IRX6: variants seen among roughly 807,000 people sequenced by gnomAD.
The protein encoded by IRX6 is iroquois-class homeodomain protein IRX-6.
A neutral mutation model predicts 47.7 loss-of-function variants in IRX6; 46 were observed. The observed-to-expected ratio is 0.96, with a 90% CI of 0.76 to 1.23. The LOEUF (loss-of-function observed/expected upper bound fraction) is 1.23, where lower values mean the gene tolerates loss of function less well. Ranked by LOEUF, IRX6 falls within the 50% of genes most tolerant of loss-of-function variation. IRX6 has a pLI of 0.00. For synonymous variants in IRX6, 265 were observed against 246.2 expected (o/e 1.08, Z -0.72); for missense variants, 722 against 588.0 (o/e 1.23, Z -2.36).
Position 55,325,060 on chromosome 16 carries a change from G to A in IRX6, c.-32G>A, listed in dbSNP as rs767103851. The A allele has an allele frequency of 2.5e-6, 4 of 1,612,900 alleles. No homozygotes were observed. The highest frequency in any genetic ancestry group is 1.7e-5 in the Admixed American group (1 of 60,010). ...GCTGGGCTGAGACGGGAACTCGACA[G>A]GGAAGAGAGAGACGGGCCAGGGACA... On this transcript the variant is annotated 5_prime_UTR_variant, in exon 1 of 6. Coordinates refer to ENST00000290552, the MANE Select transcript of IRX6 (RefSeq NM_024335.3).
At chr16:55,330,238 G>T (rs1173440421) in intron 5 of IRX6, 60 bp from the exon 6 acceptor site, 1 of 1,551,360 alleles carries the variant, frequency 6.4e-7, no homozygotes, top group East Asian at 2.2e-5. Flanking sequence ...CTGACCCAGA[G>T]GTTTCCTAAG....
chr16:55,326,951 GC>G, intron 2 of IRX6: 1 of 163,336 alleles, frequency 6.1e-6, no homozygotes, highest in African/African-American at 3.2e-5. Flanking sequence ...GTGTTGTGGG[GC>G]AGGGGGCGGG....
chr16:55,327,677 C>T lies in IRX6; in HGVS notation c.505C>T (p.Arg169Cys), dbSNP rs750729036. Residue 169 changes from arginine to cysteine, a missense_variant, in exon 4 of 6, where the codon CGC (arginine) becomes TGC (cysteine). Coordinates refer to ENST00000290552, the MANE Select transcript of IRX6 (RefSeq NM_024335.3). ...STLKAWLNEH[R>C]KNPYPTKGEK... ...ACTCAAGGCCTGGCTCAACGAGCACCGCAAAAACCCCTACCCCACTAAGGG... is the reference window on the plus strand; with the variant it reads ...ACTCAAGGCCTGGCTCAACGAGCACTGCAAAAACCCCTACCCCACTAAGGG... 3.1e-6 allele frequency: 5 copies of T among 1,612,244 alleles called. No individual in the cohort carries two copies. The highest frequency in any genetic ancestry group is 3.3e-5 in the Admixed American group (2 of 59,988).
Position 55,327,979 on chromosome 16 carries a change from A to AT in IRX6, c.721+90dup, listed in dbSNP as rs1337721253. 43 of 1,375,310 alleles carry AT rather than the reference A, an allele frequency of 3.1e-5. No individual in the cohort carries two copies. The African/African-American group carries it at 5.8e-4, about 19-fold the overall frequency. 85.2% of individuals were successfully genotyped at this position (1,375,310 alleles called of 1,614,324 possible). On this transcript the variant is annotated intron_variant, in intron 4 of 5. Coordinates refer to ENST00000290552, the MANE Select transcript of IRX6 (RefSeq NM_024335.3). ...TTTCAAAAGCTGCCCTGTAGGGTAG[A>AT]TTTTCTGGAAGGTCCTCAGACTTAC...
intron 5 of IRX6, 107 bp downstream of exon 5, chr16:55,329,418 C>A (rs1567340712): frequency 2.1e-6 from 3 of 1,399,126 alleles, no homozygotes; most frequent in South Asian, 1.4e-5. Context: ...CCAGGTCTCC[C>A]ACAGAACTGA....
At position 55,324,929 on chromosome 16, in the gene IRX6, G is replaced by C; in HGVS notation, c.-163G>C. On this transcript the variant is annotated 5_prime_UTR_variant, in exon 1 of 6. Coordinates refer to ENST00000290552, the MANE Select transcript of IRX6 (RefSeq NM_024335.3). This position sits in a 1 kb window ranked among gnomAD's most constrained non-coding sequence, Gnocchi z 4.4. ...GAGCGCAGGGCTCGGCAGCCGGGCTGCCCTCGGCTCTGCCTCCACTGGGGC... is the reference window on the plus strand; with the variant it reads ...GAGCGCAGGGCTCGGCAGCCGGGCTCCCCTCGGCTCTGCCTCCACTGGGGC... The C allele has an allele frequency of 1.4e-6, 1 of 695,970 alleles. No individual in the cohort carries two copies. The highest frequency in any genetic ancestry group is 2.5e-6 in the Non-Finnish European group (1 of 407,594). 43.1% of individuals were successfully genotyped at this position (695,970 alleles called of 1,614,324 possible).
rs1960594842 is a variant in IRX6, at chr16:55,329,080, C to G, written c.1102C>G (p.Pro368Ala). The G allele has an allele frequency of 6.2e-7, 1 of 1,613,972 alleles. No individual in the cohort carries two copies. Among genetic ancestry groups the G allele is most frequent in the Admixed American group, 1.7e-5 (1 of 60,008 alleles). ...ATASAVEGAP[P>A]ARPRPRSPEC... Reference sequence around the variant, plus strand: ...AGCCAGCGCTGTTGAAGGTGCACCCCCAGCCCGGCCTAGGCCACGAAGTCC... The same window carrying G: ...AGCCAGCGCTGTTGAAGGTGCACCCGCAGCCCGGCCTAGGCCACGAAGTCC... The change falls in exon 5 of 6, where the codon CCA becomes GCA. Residue 368 changes from proline (P) to alanine (A), a missense_variant. By Grantham distance (27) the Pro-to-Ala change is conservative. Coordinates refer to ENST00000290552, the MANE Select transcript of IRX6 (RefSeq NM_024335.3).
chr16:55,328,015 C>A, intron 4 of IRX6, 122 bp downstream of exon 4: 1 of 894,426 alleles, frequency 1.1e-6, no homozygotes, highest in Non-Finnish European at 1.7e-6. Flanking sequence ...CCTTGCACTT[C>A]CCTGCCTGTC....
In IRX6 at chr16:55,327,603, TG is replaced by T. The variant is rs1490836127; in HGVS notation, c.432del (p.Ser145ValfsTer44). 1 of 1,604,988 alleles carries T rather than the reference TG, an allele frequency of 6.2e-7. No homozygotes were observed. The highest frequency in any genetic ancestry group is 8.5e-7 in the Non-Finnish European group (1 of 1,176,380). On this transcript the variant is annotated frameshift_variant, in exon 4 of 6. Transcript: ENST00000290552. LOFTEE classifies it high-confidence loss of function. ...YQYERYGAVE[L>X]SGAGRRKNAT... Reference sequence around the variant, plus strand: ...CCCCACAGGTATGGCGCAGTGGAATTGAGTGGCGCCGGTCGCCGAAAGAACG... The same window carrying T: ...CCCCACAGGTATGGCGCAGTGGAATTAGTGGCGCCGGTCGCCGAAAGAACG...
In IRX6 at chr16:55,330,713, C is replaced by G. The variant is rs1960627030; in HGVS notation, c.*408C>G. ...ATAAGGACCCTGTGCGTCTTCTCCC[C>G]CTCCTAAGCCCTTGTGTCCTTAAAA... On this transcript the variant is annotated 3_prime_UTR_variant, in exon 6 of 6. Coordinates refer to ENST00000290552, the MANE Select transcript of IRX6 (RefSeq NM_024335.3). 7.3e-6 allele frequency: 2 copies of G among 275,302 alleles called. No homozygotes were observed. Among genetic ancestry groups the G allele is most frequent in the South Asian group, 5.1e-5 (1 of 19,568 alleles). 17.1% of individuals were successfully genotyped at this position (275,302 alleles called of 1,614,324 possible).
Position 55,326,565 on chromosome 16 carries a change from C to A in IRX6, c.275C>A (p.Pro92Gln). Residue 92 changes from proline to glutamine, a missense_variant, in exon 2 of 6, where the codon CCA (proline) becomes CAA (glutamine). Physicochemically the swap from Pro to Gln is moderately conservative, Grantham distance 76. Coordinates refer to ENST00000290552, the MANE Select transcript of IRX6 (RefSeq NM_024335.3). ...QSYPGYLPYS[P>Q]EPPSLYGALN... is the part of the protein sequence containing the mutation. Reference sequence around the variant, plus strand: ...TACCCTGGCTACCTGCCCTATAGCCCAGAGCCCCCCTCACTGTATGGGGCA... The same window carrying A: ...TACCCTGGCTACCTGCCCTATAGCCAAGAGCCCCCCTCACTGTATGGGGCA... 1 of 1,567,660 alleles carries A rather than the reference C, an allele frequency of 6.4e-7. No homozygotes were observed. The highest frequency in any genetic ancestry group is 8.7e-7 in the Non-Finnish European group (1 of 1,154,916).
At position 55,326,384 on chromosome 16, in the gene IRX6, C is replaced by A. The variant is rs779323756; in HGVS notation, c.94C>A (p.Arg32Ser). Residue 32 changes from arginine (R) to serine (S), a missense_variant, in exon 2 of 6, where the codon CGC (arginine) becomes AGC (serine). Coordinates refer to ENST00000290552, the MANE Select transcript of IRX6 (RefSeq NM_024335.3). ...CACCACATGCTGCGAATCTACCCAA[C>A]GCTCTGTCTCAGATGTGGCATCAGG... is the stretch of plus-strand genomic sequence containing the variant. ...SSTTCCESTQ[R>S]SVSDVASGST... 6 of 1,613,944 alleles carry A rather than the reference C, an allele frequency of 3.7e-6. No homozygotes were observed. The highest frequency in any genetic ancestry group is 5.1e-6 in the Non-Finnish European group (6 of 1,180,012).
At position 55,327,656 on chromosome 16, in the gene IRX6, A is replaced by G. The variant is rs200315770; in HGVS notation, c.484A>G (p.Lys162Glu). 33 of 1,612,364 alleles carry G rather than the reference A, an allele frequency of 2.0e-5. No individual in the cohort carries two copies. Among genetic ancestry groups the G allele is most frequent in the Admixed American group, 3.3e-5 (2 of 59,998 alleles). ...GACCCGGGAGACCACCAGTACACTC[A>G]AGGCCTGGCTCAACGAGCACCGCAA... ...NATRETTSTL[K>E]AWLNEHRKNP... The change falls in exon 4 of 6, where the codon AAG becomes GAG. Residue 162 changes from lysine to glutamate, a missense_variant. Lys to Glu is a moderately conservative substitution (Grantham distance 56, BLOSUM62 1). Coordinates refer to ENST00000290552, the MANE Select transcript of IRX6 (RefSeq NM_024335.3).
Position 55,325,003 on chromosome 16 carries a change from C to A in IRX6, c.-89C>A, listed in dbSNP as rs568151467. 1.3e-5 allele frequency: 18 copies of A among 1,385,316 alleles called. No homozygotes were observed. In the East Asian group the frequency reaches 4.1e-4, roughly 32 times the overall value. 85.8% of individuals were successfully genotyped at this position (1,385,316 alleles called of 1,614,324 possible). On this transcript the variant is annotated 5_prime_UTR_variant, in exon 1 of 6. It adds an upstream start codon to the 5' untranslated region. Coordinates refer to ENST00000290552, the MANE Select transcript of IRX6 (RefSeq NM_024335.3). ...TGGGCATCCGCAGCGGTGTAAGGAA[C>A]TGAGACACCTCACTGCTGGGGGCGC...
Position 55,327,685 on chromosome 16 carries a change from C to A in IRX6, c.513C>A (p.Asn171Lys), listed in dbSNP as rs187777953. 2 of 1,612,406 alleles carry A rather than the reference C, an allele frequency of 1.2e-6. No individual in the cohort carries two copies. The highest frequency in any genetic ancestry group is 1.7e-6 in the Non-Finnish European group (2 of 1,180,020). ...CCTGGCTCAACGAGCACCGCAAAAA[C>A]CCCTACCCCACTAAGGGTGAGAAGA... ...LKAWLNEHRK[N>K]PYPTKGEKIM... Residue 171 changes from asparagine to lysine, a missense_variant, in exon 4 of 6, where the codon AAC becomes AAA. Coordinates refer to ENST00000290552, the MANE Select transcript of IRX6 (RefSeq NM_024335.3).
Position 55,326,515 on chromosome 16 carries a change from T to C in IRX6, c.225T>C (p.Tyr75=). 1 of 1,606,510 alleles carries C rather than the reference T, an allele frequency of 6.2e-7. No homozygotes were observed. The highest frequency in any genetic ancestry group is 8.5e-7 in the Non-Finnish European group (1 of 1,176,580). Residue 75 remains tyrosine (Y), a synonymous_variant, in exon 2 of 6, where the codon TAT becomes TAC. Transcript: ENST00000290552. ...CCTTGGGCATCTATGGAGCACCCTATGCGGCCGCTGCAGCTGCCCAGAGCT... is the reference window on the plus strand; with the variant it reads ...CCTTGGGCATCTATGGAGCACCCTACGCGGCCGCTGCAGCTGCCCAGAGCT... ...GAALGIYGAP[Y]AAAAAAQSYP...
rs1158296756 is a variant in IRX6 at position 55,330,258 on chromosome 16, TA to T, written c.1334-37del. The T allele has an allele frequency of 6.8e-6, 11 of 1,609,396 alleles. No homozygotes were observed. In the African/African-American group the frequency reaches 1.1e-4, roughly 16 times the overall value. Reference sequence around the variant, plus strand: ...CCAGAGGTTTCCTAAGAATTGCCACTAAACAGCCTTTGGGTTTTAATCAACC... The same window carrying T: ...CCAGAGGTTTCCTAAGAATTGCCACTAACAGCCTTTGGGTTTTAATCAACC... On this transcript the variant is annotated intron_variant, in intron 5 of 5. Coordinates refer to ENST00000290552, the MANE Select transcript of IRX6 (RefSeq NM_024335.3).
rs200996745 is a variant in IRX6 at position 55,329,024 on chromosome 16, C to G, written c.1046C>G (p.Pro349Arg). Residue 349 changes from proline (P) to arginine (R), a missense_variant, in exon 5 of 6, where the codon CCG (proline) becomes CGG (arginine). Pro to Arg is a moderately radical substitution (Grantham distance 103). Transcript: ENST00000290552. ...LTMHYPCLEKPRIWSLAHTAT... is the reference protein window; with the variant it reads ...LTMHYPCLEKRRIWSLAHTAT... The stretch of plus-strand genomic sequence containing the variant: ...ATGCACTACCCATGCTTGGAGAAAC[C>G]GCGCATCTGGTCTCTGGCGCACACC... The G allele has an allele frequency of 1.2e-6, 2 of 1,613,812 alleles. No individual in the cohort carries two copies. The highest frequency in any genetic ancestry group is 2.2e-5 in the East Asian group (1 of 44,876).
chr16:55,327,986 G>A, intron 4 of IRX6, 93 bp downstream of exon 4: 1 of 1,310,174 alleles, frequency 7.6e-7, no homozygotes, highest in Non-Finnish European at 1.0e-6. Flanking sequence ...TAGATTTTCT[G>A]GAAGGTCCTC....
Sources: allele counts gnomAD v4.1 joint callset, GRCh38; gene constraint gnomAD v4.1.1; non-coding constraint Gnocchi (gnomAD v3.1); transcripts MANE v1.5; gene names NCBI Gene and HGNC (gene_info 2026-07-23, HGNC 2026-07-21).